Variants in SETBP1 observed in about 807,000 individuals in gnomAD.
SETBP1 encodes the protein SET binding protein 1, also known as SET-binding protein.
Under a neutral mutation model 101.0 loss-of-function variants are expected in SETBP1, and 9 were observed. The observed-to-expected ratio is 0.09, with a 90% CI of 0.05 to 0.16. SETBP1 has a LOEUF of 0.16. Ranked by LOEUF, SETBP1 falls within the 10% of genes least tolerant of loss-of-function variation. SETBP1 has a pLI of 1.00. For synonymous variants in SETBP1, 818 were observed against 788.5 expected (o/e 1.04, Z -0.63); for missense variants, 1,858 against 2,033.8 (o/e 0.91, Z 1.66).
chr18:44,794,499 T>A (rs547718631), intron 2 of SETBP1, among the ~76,000 whole-genome samples: 3 of 152,200 alleles, frequency 2.0e-5, no homozygotes, highest in East Asian at 1.9e-4. Context: ...GGCAATGAGA[T>A]CGTAATTCAG....
intron 1 of SETBP1, among the ~76,000 whole-genome samples, chr18:44,695,129 CA>C (rs1359457534): frequency 6.6e-6 from 1 of 151,836 alleles, no homozygotes; most frequent in Non-Finnish European, 1.5e-5. Flanking sequence ...TGCTCTCCCA[CA>C]AGGCAAAAGA....
At chr18:44,706,324 G>C (rs80024496) in intron 2 of SETBP1, among the ~76,000 whole-genome samples, 2,509 of 152,100 alleles carry the variant, frequency 0.016, 56 homozygotes, top group African/African-American at 0.057. Context: ...AGTGGCTCCT[G>C]CCTGTAATCT....
At chr18:44,885,549 C>T (rs1460914135) in intron 3 of SETBP1, among the ~76,000 whole-genome samples, 5 of 151,952 alleles carry the variant, frequency 3.3e-5, no homozygotes, top group Admixed American at 6.6e-5. Context: ...AACACATGAA[C>T]ATTGAAACTG....
intron 2 of SETBP1, among the ~76,000 whole-genome samples, chr18:44,783,350 A>T (rs2071173843): frequency 6.6e-6 from 1 of 152,192 alleles, no homozygotes; most frequent in African/African-American, 2.4e-5. Flanking sequence ...TCCAGGAGGT[A>T]TTTCCATTAT....
chr18:44,994,951 A>G (rs1294953573), intron 4 of SETBP1, among the ~76,000 whole-genome samples: 3 of 152,074 alleles, frequency 2.0e-5, no homozygotes, highest in Non-Finnish European at 2.9e-5. Flanking sequence ...GCCCTTCAAG[A>G]TACTCCCAAG....
At chr18:44,842,496 T>G (rs939616608) in intron 2 of SETBP1, among the ~76,000 whole-genome samples, 3 of 152,208 alleles carry the variant, frequency 2.0e-5, no homozygotes, top group Admixed American at 2.0e-4. Context: ...AGCAGGTGAC[T>G]ACCCTGGTCA....
At chr18:44,825,088 C>T (rs1472408368) in intron 2 of SETBP1, among the ~76,000 whole-genome samples, 1 of 152,222 alleles carries the variant, frequency 6.6e-6, no homozygotes, top group Non-Finnish European at 1.5e-5. Flanking sequence ...TCTGCTCTAT[C>T]CCCACCTGGG....
At chr18:44,685,840 A>C (rs1161679051) in intron 1 of SETBP1, among the ~76,000 whole-genome samples, 2 of 152,160 alleles carry the variant, frequency 1.3e-5, no homozygotes, top group African/African-American at 4.8e-5. Context: ...ATGTCCATAT[A>C]ACTGTATATA....
chr18:45,048,144 T>G (rs555172835), intron 5 of SETBP1, among the ~76,000 whole-genome samples: 13 of 152,330 alleles, frequency 8.5e-5, no homozygotes, highest in Admixed American at 7.2e-4. Context: ...GATTTGAAAT[T>G]CAAGGGTCAG....
chr18:44,872,967 G>A (rs1015688251), intron 3 of SETBP1, among the ~76,000 whole-genome samples: 1 of 152,236 alleles, frequency 6.6e-6, no homozygotes, highest in Non-Finnish European at 1.5e-5. Flanking sequence ...GCAAAATGGA[G>A]TATTATTTCA....
At chr18:44,894,859 C>T (rs1434499436) in intron 3 of SETBP1, among the ~76,000 whole-genome samples, 6 of 150,980 alleles carry the variant, frequency 4.0e-5, no homozygotes, top group Admixed American at 1.3e-4. Flanking sequence ...GGCTGGGCAC[C>T]GTGGCTGCTT....
At chr18:45,002,934 G>T (rs752359000) in intron 4 of SETBP1, among the ~76,000 whole-genome samples, 3 of 152,130 alleles carry the variant, frequency 2.0e-5, no homozygotes, top group Non-Finnish European at 2.9e-5. Context: ...TAAGAACTTG[G>T]GTTGTTGGGG....
intron 3 of SETBP1, chr18:44,869,727 G>A (rs2069229948): frequency 3.6e-6 from 1 of 279,844 alleles, no homozygotes; most frequent in Non-Finnish European, 7.0e-6. Context: ...GACTCCTGCA[G>A]AGGCAGACAG....
At chr18:44,976,002 T>C (rs2071977272) in intron 4 of SETBP1, among the ~76,000 whole-genome samples, 1 of 151,948 alleles carries the variant, frequency 6.6e-6, no homozygotes, top group African/African-American at 2.4e-5. Flanking sequence ...TTTCTCAAAA[T>C]ACCTACTGCC....
At chr18:44,730,716 G>T (rs1297025824) in intron 2 of SETBP1, among the ~76,000 whole-genome samples, 4 of 152,176 alleles carry the variant, frequency 2.6e-5, no homozygotes, top group Non-Finnish European at 5.9e-5. Context: ...AAAAGGAGCA[G>T]CTAGAAGAGT....
chr18:45,048,905 G>T (rs1447581432), intron 5 of SETBP1, among the ~76,000 whole-genome samples: 2 of 144,408 alleles, frequency 1.4e-5, no homozygotes, highest in Admixed American at 7.2e-5. Flanking sequence ...CCGGGAAGCG[G>T]AGCTTGCAGT....
intron 2 of SETBP1, among the ~76,000 whole-genome samples, chr18:44,823,222 G>A (rs571039284): frequency 2.0e-5 from 3 of 152,358 alleles, no homozygotes; most frequent in African/African-American, 4.8e-5. Context: ...ATCCAGCAGA[G>A]TCAAAATCTT....
chr18:44,967,752 A>C (rs2071752035), intron 4 of SETBP1, among the ~76,000 whole-genome samples: 1 of 152,182 alleles, frequency 6.6e-6, no homozygotes, highest in African/African-American at 2.4e-5. Flanking sequence ...CCCGTCCAGC[A>C]ACAGAGTCAA....
intron 4 of SETBP1, among the ~76,000 whole-genome samples, chr18:44,977,426 A>G (rs967010727): frequency 2.3e-4 from 35 of 152,232 alleles, no homozygotes; most frequent in African/African-American, 6.3e-4. Flanking sequence ...TGGCTGGCAA[A>G]TGTCCCAAAT....
Sources: gnomAD v4.1 joint callset for allele counts (sites outside exome capture counted in the v4.1 genomes callset) on GRCh38, gnomAD v4.1.1 for gene constraint, MANE v1.5 for transcripts, NCBI Gene and HGNC (gene_info 2026-07-23, HGNC 2026-07-21) for gene names.